NBEAL1: variants seen among roughly 807,000 people sequenced by gnomAD.
The protein encoded by NBEAL1 is neurobeachin like 1, also known as neurobeachin-like protein 1.
In NBEAL1, 273 loss-of-function variants were observed where a neutral mutation model predicts 351.3. The observed-to-expected ratio is 0.78, with a 90% CI of 0.70 to 0.86. The LOEUF (loss-of-function observed/expected upper bound fraction) is 0.86, where lower values mean the gene tolerates loss of function less well. Among genes scored for constraint, NBEAL1 ranks in the 40% least tolerant of loss-of-function variants. The pLI is 0.00. For synonymous variants in NBEAL1, 1,050 were observed against 1,086.4 expected (o/e 0.97, Z 0.66); for missense variants, 2,961 against 3,201.3 (o/e 0.92, Z 1.81).
chr2:203,211,217 T>C (rs2065780709), intron 54 of NBEAL1, 111 bp downstream of exon 54: 1 of 765,150 alleles, frequency 1.3e-6, no homozygotes, highest in Non-Finnish European at 1.9e-6. Flanking sequence ...TCATTGATTA[T>C]AAAAGTTTCT....
rs1326749739 is a variant in NBEAL1, at chr2:203,110,183, CTTTAT to C, written c.1985_1989del (p.Phe662TyrfsTer23). On this transcript the variant is annotated frameshift_variant, in exon 15 of 56. Coordinates refer to ENST00000683969, the MANE Select transcript of NBEAL1 (RefSeq NM_001378026.1). LOFTEE classifies it high-confidence loss of function. Reference sequence around the variant, plus strand: ...CAGGAAGTGGCATGGGTTTTGAAGCCTTTATTACCCATTCAGGTATGTTGGTCGTG... The same window carrying C: ...CAGGAAGTGGCATGGGTTTTGAAGCCTACCCATTCAGGTATGTTGGTCGTG... The C allele has an allele frequency of 6.4e-7, 1 of 1,552,732 alleles. No homozygotes were observed. Among genetic ancestry groups the C allele is most frequent in the South Asian group, 1.2e-5 (1 of 84,074 alleles).
chr2:203,063,988 A>G (rs936196987), intron 6 of NBEAL1, among the ~76,000 whole-genome samples: 2 of 152,168 alleles, frequency 1.3e-5, no homozygotes, highest in Non-Finnish European at 2.9e-5. Context: ...TCAGGCAAGA[A>G]TCATTCATGG....
intron 44 of NBEAL1, among the ~76,000 whole-genome samples, chr2:203,185,988 C>T (rs1213141552): frequency 6.6e-6 from 1 of 152,162 alleles, no homozygotes; most frequent in African/African-American, 2.4e-5. Context: ...CTCCTACATG[C>T]AAAATATATT....
intron 2 of NBEAL1, chr2:203,040,696 A>T: frequency 1.6e-6 from 1 of 625,506 alleles, no homozygotes; most frequent in Middle Eastern, 4.9e-4. Context: ...CTTCCCAGGG[A>T]AGTATTTCCA....
intron 35 of NBEAL1, among the ~76,000 whole-genome samples, chr2:203,155,190 G>C (rs746791496): frequency 1.3e-5 from 2 of 150,190 alleles, no homozygotes; most frequent in Non-Finnish European, 2.9e-5. Context: ...TGAGGCTGTA[G>C]TGAGCCATGA....
At chr2:203,210,465 T>C (rs1336810092) in intron 53 of NBEAL1, among the ~76,000 whole-genome samples, 4 of 150,490 alleles carry the variant, frequency 2.7e-5, no homozygotes, top group Non-Finnish European at 4.4e-5. Context: ...ATCGAGACCA[T>C]CCTAACTAAC....
At chr2:203,042,340 T>C (rs1271760799) in intron 3 of NBEAL1, among the ~76,000 whole-genome samples, 1 of 152,190 alleles carries the variant, frequency 6.6e-6, no homozygotes, top group African/African-American at 2.4e-5. Flanking sequence ...TGAATACACA[T>C]AGGACAAGGT....
rs1213240113 is a variant in NBEAL1, at chr2:203,126,735, A to G, written c.3145+19A>G. On this transcript the variant is annotated intron_variant, in intron 22 of 55. Transcript: ENST00000683969. The stretch of plus-strand genomic sequence containing the variant: ...CGAATCGGTGAGAGCAGGCTTTCAG[A>G]TAAACATTTTATAGTTGTTTTAGAA... 1 of 1,512,352 alleles carries G rather than the reference A, an allele frequency of 6.6e-7. No individual in the cohort carries two copies. Among genetic ancestry groups the G allele is most frequent in the South Asian group, 1.3e-5 (1 of 76,230 alleles). 93.7% of individuals were successfully genotyped at this position (1,512,352 alleles called of 1,614,324 possible).
intron 31 of NBEAL1, 103 bp from the exon 32 acceptor site, chr2:203,144,497 C>A: frequency 9.2e-7 from 1 of 1,086,210 alleles, no homozygotes; most frequent in South Asian, 1.6e-5. Flanking sequence ...CAGTTCTTGA[C>A]AGTTATGTAA....
At chr2:203,106,471 T>G (rs746031520) in intron 12 of NBEAL1, among the ~76,000 whole-genome samples, 1 of 152,206 alleles carries the variant, frequency 6.6e-6, no homozygotes, top group African/African-American at 2.4e-5. Flanking sequence ...CTCCATCTAA[T>G]ACTAGTTGCT....
chr2:203,133,856 A>G (rs529649578), intron 27 of NBEAL1, among the ~76,000 whole-genome samples: 17 of 151,840 alleles, frequency 1.1e-4, no homozygotes, highest in African/African-American at 3.9e-4. Flanking sequence ...ATATATATGT[A>G]TAATTTCCTT....
intron 55 of NBEAL1, among the ~76,000 whole-genome samples, chr2:203,216,210 T>C (rs1426008378): frequency 6.6e-6 from 1 of 152,226 alleles, no homozygotes; most frequent in Non-Finnish European, 1.5e-5. Context: ...GATGCAAATT[T>C]AATGGTGAAC....
intron 2 of NBEAL1, among the ~76,000 whole-genome samples, chr2:203,016,938 G>T (rs1200225550): frequency 6.6e-6 from 1 of 152,168 alleles, no homozygotes; most frequent in Non-Finnish European, 1.5e-5. Context: ...ACTGTGAGGT[G>T]AATATTGTGA....
At chr2:203,105,896 T>C (rs2062426384) in intron 12 of NBEAL1, among the ~76,000 whole-genome samples, 1 of 152,244 alleles carries the variant, frequency 6.6e-6, no homozygotes, top group Non-Finnish European at 1.5e-5. Context: ...TTAAGCTTTA[T>C]ATCAGAGTTT....
At position 203,033,256 on chromosome 2, in the gene NBEAL1, T is replaced by A. The variant is rs573492248; in HGVS notation, c.52-8509T>A. Among the ~76,000 whole-genome samples the A allele has an allele frequency of 4.6e-5, 7 of 152,326 alleles. No homozygotes were observed. The South Asian group carries it at 1.4e-3, about 32-fold the overall frequency. ...ACCTCGTGATCTGCCCACCTCGGCCTCCCAAAGTGCTGGAATTACAGGCGT... is the reference window on the plus strand; with the variant it reads ...ACCTCGTGATCTGCCCACCTCGGCCACCCAAAGTGCTGGAATTACAGGCGT... On this transcript the variant is annotated intron_variant, in intron 2 of 55. Coordinates refer to ENST00000683969, the MANE Select transcript of NBEAL1 (RefSeq NM_001378026.1).
chr2:203,077,612 A>G, intron 7 of NBEAL1, 140 bp from the exon 8 acceptor site: 1 of 437,688 alleles, frequency 2.3e-6, no homozygotes, highest in Admixed American at 4.4e-5. Flanking sequence ...CTAAGACAAA[A>G]TGCATATCAA....
chr2:203,024,936 G>A (rs2060832422), intron 2 of NBEAL1, among the ~76,000 whole-genome samples: 1 of 151,658 alleles, frequency 6.6e-6, no homozygotes, highest in Admixed American at 6.6e-5. Context: ...TGAAAAGAAT[G>A]AAAAAGTTAA....
At chr2:203,200,960 C>T (rs2065380486) in intron 49 of NBEAL1, among the ~76,000 whole-genome samples, 1 of 152,016 alleles carries the variant, frequency 6.6e-6, no homozygotes, top group African/African-American at 2.4e-5. Context: ...TGAGAATTAG[C>T]CCTCATTTTC....
intron 6 of NBEAL1, among the ~76,000 whole-genome samples, chr2:203,067,820 A>G (rs2061619196): frequency 1.3e-5 from 2 of 152,220 alleles, no homozygotes; most frequent in African/African-American, 4.8e-5. Flanking sequence ...TCAAATTGAA[A>G]TGTTCTTGTT....
Sources: gnomAD v4.1 joint callset for allele counts (sites outside exome capture counted in the v4.1 genomes callset) on GRCh38, gnomAD v4.1.1 for gene constraint, MANE v1.5 for transcripts, NCBI Gene and HGNC (gene_info 2026-07-23, HGNC 2026-07-21) for gene names.